ECHDC2: variants seen among roughly 807,000 people sequenced by gnomAD.
ECHDC2 encodes the protein enoyl-CoA hydratase domain containing 2.
ECHDC2 carries 34 observed loss-of-function variants against 40.6 expected under a neutral mutation model. The observed-to-expected ratio is 0.84, with a 90% CI of 0.64 to 1.11. The LOEUF (loss-of-function observed/expected upper bound fraction) is 1.11, where lower values mean the gene tolerates loss of function less well. ECHDC2 is among the 50% of genes most tolerant of loss of function. The pLI is 0.00. For synonymous variants in ECHDC2, 162 were observed against 166.6 expected (o/e 0.97, Z 0.21); for missense variants, 392 against 400.7 (o/e 0.98, Z 0.19).
In ECHDC2 at chr1:52,904,698, C is replaced by T. The variant is rs776849535; in HGVS notation, c.650G>A (p.Gly217Glu). 8 of 1,611,926 alleles carry T rather than the reference C, an allele frequency of 5.0e-6. No individual in the cohort carries two copies. In the African/African-American group the frequency reaches 8.0e-5, roughly 16 times the overall value. Residue 217 changes from glycine (G) to glutamate (E), a missense_variant, in exon 7 of 10, where the codon GGG becomes GAG. Physicochemically the swap from Gly to Glu is moderately conservative, Grantham distance 98. Coordinates refer to ENST00000371522, the MANE Select transcript of ECHDC2 (RefSeq NM_001198961.2). ...TCGTGCCCGCTGGTAGGCGGCGTCC[C>T]CCTCCTCGTTCTGGGCCACAGCGTG... is the stretch of plus-strand genomic sequence containing the variant. ...VNHAVAQNEE[G>E]DAAYQRARAL...
chr1:52,918,598 C>T (rs1427491325), intron 1 of ECHDC2, among the ~76,000 whole-genome samples: 1 of 151,912 alleles, frequency 6.6e-6, no homozygotes, highest in Non-Finnish European at 1.5e-5. Context: ...TTTTTAAAAG[C>T]TTATAAAATA....
intron 7 of ECHDC2, among the ~76,000 whole-genome samples, chr1:52,903,113 CCAGA>C (rs1647093220): frequency 6.6e-6 from 1 of 152,066 alleles, no homozygotes; most frequent in African/African-American, 2.4e-5. Flanking sequence ...CTTGGATACC[CCAGA>C]CAGCCAGATC....
chr1:52,921,377 G>A, intron 1 of ECHDC2, 176 bp downstream of exon 1: 1 of 1,382,202 alleles, frequency 7.2e-7, no homozygotes, highest in Non-Finnish European at 9.4e-7. Flanking sequence ...AGAGTCTGGA[G>A]CCACTAAGGC....
rs1557515020 is a variant in ECHDC2, at chr1:52,914,858, CG to C, written c.122-3069del. Among the ~76,000 whole-genome samples, 1 of 152,158 alleles carries C rather than the reference CG, an allele frequency of 6.6e-6. No individual in the cohort carries two copies. The highest frequency in any genetic ancestry group is 2.4e-5 in the African/African-American group (1 of 41,430). ...GGCATAGGCTCTTTCCTGCATCCCT[CG>C]GATCACCCACCTGGCCCTCGAGTCC... On this transcript the variant is annotated intron_variant, in intron 1 of 9. Coordinates refer to ENST00000371522, the MANE Select transcript of ECHDC2 (RefSeq NM_001198961.2). This position sits in a 1 kb window ranked among gnomAD's most constrained non-coding sequence, Gnocchi z 4.0.
Position 52,904,671 on chromosome 1 carries a change from G to A in ECHDC2, c.677C>T (p.Ala226Val). The A allele has an allele frequency of 1.2e-6, 2 of 1,607,252 alleles. No individual in the cohort carries two copies. ...EGDAAYQRAR[A>V]LAQEILPQAP... ...CTGGGGCAGGATCTCCTGGGCCAGT[G>A]CTCGTGCCCGCTGGTAGGCGGCGTC... is the stretch of plus-strand genomic sequence containing the variant. The change falls in exon 7 of 10, where the codon GCA (alanine) becomes GTA (valine). Residue 226 changes from alanine (A) to valine (V), a missense_variant. Transcript: ENST00000371522.
chr1:52,906,872 C>T (rs1253850079), intron 4 of ECHDC2: 1 of 227,552 alleles, frequency 4.4e-6, no homozygotes, highest in African/African-American at 2.4e-5. Flanking sequence ...TCAAGTGATT[C>T]TCTTGCCTCA....
At chr1:52,920,880 A>G (rs1030720491) in intron 1 of ECHDC2, among the ~76,000 whole-genome samples, 1 of 152,230 alleles carries the variant, frequency 6.6e-6, no homozygotes. Context: ...TTACCAGCAG[A>G]GGACTGAGGA....
chr1:52,899,491 C>T (rs1368061117), intron 7 of ECHDC2: 5 of 504,008 alleles, frequency 9.9e-6, no homozygotes, highest in Non-Finnish European at 1.8e-5. Context: ...AACTAGTTTA[C>T]AAAGTGCTTT....
chr1:52,904,059 A>C (rs989482938), intron 7 of ECHDC2, among the ~76,000 whole-genome samples: 2 of 151,526 alleles, frequency 1.3e-5, no homozygotes, highest in Non-Finnish European at 2.9e-5. Context: ...CTCGTGATAC[A>C]CCCGCCTCAG....
Position 52,914,073 on chromosome 1 carries a change from C to A in ECHDC2, c.122-2283G>T. On this transcript the variant is annotated intron_variant, in intron 1 of 9. Transcript: ENST00000371522. The surrounding 1 kb of genome is among the most constrained non-coding windows in gnomAD (Gnocchi z 4.0). The stretch of plus-strand genomic sequence containing the variant: ...TCCAGAGACCAGGACAGACTCAAGG[C>A]CTGTCCTCATGGAACCTACAGCCTA... The A allele has an allele frequency of 1.3e-6, 1 of 782,414 alleles. No individual in the cohort carries two copies. 48.5% of individuals were successfully genotyped at this position (782,414 alleles called of 1,614,324 possible). A position where few individuals can be genotyped will look rare whatever the true frequency, so the allele number is the denominator to read the frequency against.
At chr1:52,899,841 C>G (rs1646876499) in intron 7 of ECHDC2, 1 of 152,940 alleles carries the variant, frequency 6.5e-6, no homozygotes, top group African/African-American at 2.4e-5. Flanking sequence ...TTAATACAGC[C>G]ACATAGAAGC....
At chr1:52,911,450 A>G (rs534430554) in intron 3 of ECHDC2, 116 bp downstream of exon 3, 18 of 981,062 alleles carry the variant, frequency 1.8e-5, no homozygotes, top group East Asian at 9.8e-5. Context: ...CTGCATTCAC[A>G]TCGGTAAAAT....
At chr1:52,921,406 C>G (rs1651856631) in intron 1 of ECHDC2, 147 bp downstream of exon 1, 3 of 1,421,312 alleles carry the variant, frequency 2.1e-6, no homozygotes, top group Non-Finnish European at 2.7e-6. Flanking sequence ...ACCTCTCAGG[C>G]CTGGAGCGGT....
intron 1 of ECHDC2, among the ~76,000 whole-genome samples, chr1:52,920,863 C>G (rs1293069304): frequency 6.6e-6 from 1 of 152,196 alleles, no homozygotes; most frequent in Non-Finnish European, 1.5e-5. Context: ...GCGCCTAGCC[C>G]TGATGGTTAC....
Position 52,904,677 on chromosome 1 carries a change from GC to G in ECHDC2, c.670del (p.Ala224HisfsTer21). On this transcript the variant is annotated frameshift_variant, in exon 7 of 10. Coordinates refer to ENST00000371522, the MANE Select transcript of ECHDC2 (RefSeq NM_001198961.2). LOFTEE classifies it high-confidence loss of function. ...CAGGATCTCCTGGGCCAGTGCTCGT[GC>G]CCGCTGGTAGGCGGCGTCCCCCTCC... ...NEEGDAAYQR[A>X]RALAQEILPQ... The G allele has an allele frequency of 6.2e-7, 1 of 1,608,944 alleles. No individual in the cohort carries two copies.
At chr1:52,912,634 C>G (rs1649811933) in intron 1 of ECHDC2, 1 of 152,198 alleles carries the variant, frequency 6.6e-6, no homozygotes, top group Admixed American at 6.5e-5. Flanking sequence ...CCACCACATG[C>G]CCTGACTCAA....
At chr1:52,904,891 GGC>G (rs1203790338) in intron 6 of ECHDC2, 58 bp from the exon 7 acceptor site, 2 of 1,596,438 alleles carry the variant, frequency 1.3e-6, no homozygotes, top group Admixed American at 3.4e-5. Flanking sequence ...ACCCAGAGAA[GGC>G]TCAGCCTGGG....
Position 52,921,587 on chromosome 1 carries a change from C to T in ECHDC2, c.87G>A (p.Glu29=). 3 of 1,608,430 alleles carry T rather than the reference C, an allele frequency of 1.9e-6. No homozygotes were observed. Among genetic ancestry groups the T allele is most frequent in the African/African-American group, 1.3e-5 (1 of 74,978 alleles). Residue 29 remains glutamate (E), a synonymous_variant, in exon 1 of 10, where the codon GAG becomes GAA. Transcript: ENST00000371522. ...GACCCGCCAGGGCGCGCACTTGGAT[C>T]TCTGAGCCCCCGGCCGCCCCGTCGG... ...CASDGAAGGS[E]IQVRALAGPD... is the part of the protein sequence containing the mutation.
At chr1:52,911,259 G>A (rs1382244058) in intron 3 of ECHDC2, among the ~76,000 whole-genome samples, 3 of 152,108 alleles carry the variant, frequency 2.0e-5, no homozygotes, top group African/African-American at 7.2e-5. Context: ...TTACAGATGT[G>A]AGCCACTGTA....
Sources: gnomAD v4.1 joint callset for allele counts (sites outside exome capture counted in the v4.1 genomes callset) on GRCh38, gnomAD v4.1.1 for gene constraint, Gnocchi (gnomAD v3.1) non-coding constraint, MANE v1.5 for transcripts, NCBI Gene and HGNC (gene_info 2026-07-23, HGNC 2026-07-21) for gene names.